The following SPATA13 variants were observed in gnomAD, a reference collection of about 807,000 sequenced individuals.
SPATA13 encodes the protein spermatogenesis-associated protein 13.
Under a neutral mutation model 104.0 loss-of-function variants are expected in SPATA13, and 50 were observed. The ratio of observed to expected loss-of-function variants is 0.48; its 90% confidence interval spans 0.38 to 0.61. SPATA13 has a LOEUF of 0.61. Ranked by LOEUF, SPATA13 falls within the 20% of genes least tolerant of loss-of-function variation. The probability of loss-of-function intolerance (pLI) is 0.00; values close to 1 mark genes in which losing one functional copy is unlikely to be tolerated. For missense variants in SPATA13, 1,524 were observed against 1,690.6 expected (o/e 0.90, Z 1.73); for synonymous variants, 606 against 667.5 (o/e 0.91, Z 1.42).
chr13:24,052,131 C>G (rs986735821), intron 3 of SPATA13, among the ~76,000 whole-genome samples: 1 of 152,142 alleles, frequency 6.6e-6, no homozygotes, highest in Non-Finnish European at 1.5e-5. Context: ...TAACGCAATT[C>G]CAAATGGAAG....
chr13:24,008,081 G>A (rs1876311818), intron 2 of SPATA13, among the ~76,000 whole-genome samples: 1 of 152,220 alleles, frequency 6.6e-6, no homozygotes, highest in South Asian at 2.1e-4. Context: ...AACCACCCAG[G>A]TGTGTGTCCC....
chr13:24,188,318 C>T (rs1052625276), intron 1 of SPATA13, among the ~76,000 whole-genome samples: 13 of 144,532 alleles, frequency 9.0e-5, no homozygotes, highest in African/African-American at 3.0e-4. Flanking sequence ...GGCAACAGAG[C>T]GAGACTCCAT....
chr13:24,047,948 G>A (rs1311024529), intron 3 of SPATA13, among the ~76,000 whole-genome samples: 1 of 152,176 alleles, frequency 6.6e-6, no homozygotes, highest in Non-Finnish European at 1.5e-5. Flanking sequence ...AAGCCCAAAG[G>A]CCCAAGAACC....
At chr13:24,081,664 ACTCT>A (rs746607639) in intron 3 of SPATA13, among the ~76,000 whole-genome samples, 1 of 151,992 alleles carries the variant, frequency 6.6e-6, no homozygotes, top group Non-Finnish European at 1.5e-5. Context: ...ACAGCACAAG[ACTCT>A]CTGTCTCTTA....
intron 3 of SPATA13, among the ~76,000 whole-genome samples, chr13:24,079,348 A>AG (rs1234376345): frequency 3.1e-4 from 47 of 152,292 alleles, no homozygotes; most frequent in African/African-American, 1.1e-3. Context: ...AACAGAGCTG[A>AG]GGGGGTGACA....
chr13:24,029,393 A>G (rs1877375717), intron 3 of SPATA13, among the ~76,000 whole-genome samples: 1 of 152,212 alleles, frequency 6.6e-6, no homozygotes, highest in African/African-American at 2.4e-5. Flanking sequence ...TGAAATCAAG[A>G]CCCAAATCCA....
chr13:23,983,717 ATC>A (rs1875016049), intron 1 of SPATA13: 1 of 159,764 alleles, frequency 6.3e-6, no homozygotes, highest in African/African-American at 2.4e-5. Context: ...TTTCACTCTC[ATC>A]TCTGCAGGGC....
chr13:24,045,580 T>C (rs1366116572), intron 3 of SPATA13, among the ~76,000 whole-genome samples: 2 of 152,310 alleles, frequency 1.3e-5, no homozygotes, highest in African/African-American at 2.4e-5. Context: ...GTATGTAAAA[T>C]GACACTGTAA....
intron 1 of SPATA13, among the ~76,000 whole-genome samples, chr13:24,180,667 G>T (rs1178748677): frequency 6.6e-6 from 1 of 152,066 alleles, no homozygotes; most frequent in Non-Finnish European, 1.5e-5. Flanking sequence ...ATGTTTTCTA[G>T]CTTACAGAGT....
At chr13:24,220,055 A>G (rs937273896) in intron 1 of SPATA13, among the ~76,000 whole-genome samples, 1 of 152,094 alleles carries the variant, frequency 6.6e-6, no homozygotes, top group Non-Finnish European at 1.5e-5. Context: ...CCAGTTTCTT[A>G]TCTAGAATGA....
intron 3 of SPATA13, among the ~76,000 whole-genome samples, chr13:24,048,890 T>C (rs1165636212): frequency 2.6e-5 from 4 of 152,238 alleles, no homozygotes; most frequent in Non-Finnish European, 5.9e-5. Context: ...ATAACTTCTT[T>C]ATTATAGAAG....
At chr13:24,171,129 A>G (rs1047845643) in intron 1 of SPATA13, among the ~76,000 whole-genome samples, 2 of 152,096 alleles carry the variant, frequency 1.3e-5, no homozygotes, top group African/African-American at 4.8e-5. Context: ...GAAGGACCCT[A>G]CAACATCAAA....
chr13:24,160,072 C>T (rs1052480622), upstream of SPATA13, among the ~76,000 whole-genome samples: 1 of 152,130 alleles, frequency 6.6e-6, no homozygotes, highest in African/African-American at 2.4e-5. Context: ...TCAAGACTTG[C>T]CCCAGGCCCT....
chr13:24,165,110 C>T (rs1241307798), intron 1 of SPATA13, among the ~76,000 whole-genome samples: 2 of 152,160 alleles, frequency 1.3e-5, no homozygotes, highest in Non-Finnish European at 2.9e-5. Flanking sequence ...TCCAGCATCT[C>T]GGAAATGGGG....
chr13:23,992,127 C>A (rs1875442982), intron 2 of SPATA13, among the ~76,000 whole-genome samples: 1 of 152,150 alleles, frequency 6.6e-6, no homozygotes, highest in Admixed American at 6.5e-5. Flanking sequence ...TCCAGAACCA[C>A]CCTCCCTGAC....
intron 2 of SPATA13, among the ~76,000 whole-genome samples, chr13:24,227,587 T>A (rs952616868): frequency 1.3e-5 from 2 of 152,160 alleles, no homozygotes; most frequent in Non-Finnish European, 2.9e-5. Flanking sequence ...CTTTTTTTTT[T>A]ATTGAGACAG....
intron 3 of SPATA13, among the ~76,000 whole-genome samples, chr13:24,037,304 T>C (rs1293760888): frequency 6.6e-6 from 1 of 151,368 alleles, no homozygotes; most frequent in East Asian, 1.9e-4. Context: ...TATACATATG[T>C]AACAAACCTG....
At chr13:24,269,353 T>G (rs1234288508) in intron 4 of SPATA13, among the ~76,000 whole-genome samples, 1 of 152,156 alleles carries the variant, frequency 6.6e-6, no homozygotes, top group East Asian at 1.9e-4. Flanking sequence ...TATCACTTGT[T>G]TAACATGTAT....
rs142261154 is a variant in SPATA13, at chr13:24,251,827, G to A, written c.2129G>A (p.Arg710His). Residue 710 changes from arginine to histidine, a missense_variant, in exon 4 of 13, where the codon CGT (arginine) becomes CAT (histidine). By Grantham distance (29) the Arg-to-His change is conservative (BLOSUM62 0). This residue lies in a region of SPATA13 where 1,089 missense variants were observed against 1,135.9 expected (regional missense o/e 0.96). Transcript: ENST00000382108. ...FSQSTPIGLD[R>H]VGRRRQMRAS... ...CAGAGCACCCCCATTGGGTTGGACC[G>A]TGTGGGACGCCGGCGGCAGATGAGA... 39 of 1,613,736 alleles carry A rather than the reference G, an allele frequency of 2.4e-5. No individual in the cohort carries two copies. Among genetic ancestry groups the A allele is most frequent in the Admixed American group, 1.3e-4 (8 of 59,958 alleles).
Sources: gnomAD v4.1 joint callset for allele counts (sites outside exome capture counted in the v4.1 genomes callset) on GRCh38, gnomAD v4.1.1 for gene constraint, gnomAD v4.1.1 regional missense constraint, MANE v1.5 for transcripts, NCBI Gene and HGNC (gene_info 2026-07-23, HGNC 2026-07-21) for gene names.